The following CLEC16A variants were observed in gnomAD, a reference collection of about 807,000 sequenced individuals.
CLEC16A encodes C-type lectin domain containing 16A.
CLEC16A carries 51 observed loss-of-function variants against 109.5 expected under a neutral mutation model. The observed-to-expected ratio is 0.47, with a 90% CI of 0.37 to 0.59. The LOEUF (loss-of-function observed/expected upper bound fraction) is 0.59, where lower values mean the gene tolerates loss of function less well. CLEC16A is among the 20% of genes least tolerant of loss of function. CLEC16A has a pLI of 0.00. For missense variants in CLEC16A, 1,339 were observed against 1,394.0 expected (o/e 0.96, Z 0.63); for synonymous variants, 673 against 564.2 (o/e 1.19, Z -2.73).
intron 11 of CLEC16A, among the ~76,000 whole-genome samples, chr16:11,004,556 G>C (rs970970729): frequency 6.6e-6 from 1 of 152,196 alleles, no homozygotes; most frequent in African/African-American, 2.4e-5. Context: ...GACTGCGTGA[G>C]CTTCCCAGTC....
chr16:11,174,577 T>C lies in CLEC16A; in HGVS notation c.2807-3758T>C, dbSNP rs1015944168. Reference sequence around the variant, plus strand: ...AAACGCTGTCCTTCTCTGTGACATGTGCACCAGTGTCAGGCTCGGCCCGGG... The same window carrying C: ...AAACGCTGTCCTTCTCTGTGACATGCGCACCAGTGTCAGGCTCGGCCCGGG... On this transcript the variant is annotated intron_variant, in intron 23 of 23. Coordinates refer to ENST00000409790, the MANE Select transcript of CLEC16A (RefSeq NM_015226.3). The surrounding 1 kb of genome is among the most constrained non-coding windows in gnomAD (Gnocchi z 4.7). Among the ~76,000 whole-genome samples, 1 of 152,248 alleles carries C rather than the reference T, an allele frequency of 6.6e-6. No individual in the cohort carries two copies. Among genetic ancestry groups the C allele is most frequent in the Non-Finnish European group, 1.5e-5 (1 of 68,044 alleles).
intron 19 of CLEC16A, among the ~76,000 whole-genome samples, chr16:11,074,057 C>G (rs7192790): frequency 6.6e-6 from 1 of 152,052 alleles, no homozygotes; most frequent in Admixed American, 6.5e-5. Flanking sequence ...CCCATCTTGG[C>G]ATTTTCTAAA....
chr16:11,020,332 G>A lies in CLEC16A; in HGVS notation c.1436+7G>A. 1 of 1,604,392 alleles carries A rather than the reference G, an allele frequency of 6.2e-7. No individual in the cohort carries two copies. Among genetic ancestry groups the A allele is most frequent in the East Asian group, 2.3e-5 (1 of 44,364 alleles). On this transcript the variant is annotated splice_region_variant and intron_variant, in intron 12 of 23. Coordinates refer to ENST00000409790, the MANE Select transcript of CLEC16A (RefSeq NM_015226.3). ...AGAGCACGCAATGGAGCAGGTAGCT[G>A]CCCGAGAGGTCGATGCTGAGTGCTC...
chr16:10,985,652 A>T (rs2043599676), intron 10 of CLEC16A, among the ~76,000 whole-genome samples: 1 of 151,932 alleles, frequency 6.6e-6, no homozygotes, highest in African/African-American at 2.4e-5. Flanking sequence ...CTGAAGCTAG[A>T]CTTGTCGTTC....
intron 22 of CLEC16A, among the ~76,000 whole-genome samples, chr16:11,143,034 C>T (rs953225842): frequency 6.6e-6 from 1 of 152,224 alleles, no homozygotes; most frequent in African/African-American, 2.4e-5. Context: ...TGGTCTCGAA[C>T]TTCTGACTTC....
At chr16:10,993,235 CG>C (rs1462158525) in intron 10 of CLEC16A, among the ~76,000 whole-genome samples, 1 of 152,006 alleles carries the variant, frequency 6.6e-6, no homozygotes, top group African/African-American at 2.4e-5. Context: ...AAAAATTAAC[CG>C]GGCGTGATGA....
At chr16:11,030,798 C>T (rs2046697246) in intron 13 of CLEC16A, among the ~76,000 whole-genome samples, 1 of 152,218 alleles carries the variant, frequency 6.6e-6, no homozygotes. Flanking sequence ...GTGTGCGCCA[C>T]CACGCCCGGC....
intron 13 of CLEC16A, among the ~76,000 whole-genome samples, chr16:11,032,971 A>G (rs2046829230): frequency 1.3e-5 from 2 of 152,314 alleles, no homozygotes; most frequent in South Asian, 4.1e-4. Flanking sequence ...GCTACCAGAC[A>G]GAAAGTAGAT....
intron 22 of CLEC16A, among the ~76,000 whole-genome samples, chr16:11,157,915 C>G (rs1441827437): frequency 6.6e-6 from 1 of 152,138 alleles, no homozygotes; most frequent in Non-Finnish European, 1.5e-5. Context: ...GGTGTAGGAT[C>G]CAGAGCTGCT....
At chr16:10,984,950 C>T (rs1221248338) in intron 10 of CLEC16A, among the ~76,000 whole-genome samples, 1 of 152,070 alleles carries the variant, frequency 6.6e-6, no homozygotes, top group African/African-American at 2.4e-5. Context: ...CCCTGTAATC[C>T]CAGCACTTTG....
chr16:10,960,984 A>G (rs560870721), intron 2 of CLEC16A, among the ~76,000 whole-genome samples: 5 of 151,960 alleles, frequency 3.3e-5, no homozygotes, highest in East Asian at 3.9e-4. Context: ...TTTTTTCCCA[A>G]TGAATTGCCC....
At chr16:10,947,915 TA>T (rs57982940) in intron 1 of CLEC16A, among the ~76,000 whole-genome samples, 28,243 of 151,860 alleles carry the variant, frequency 0.19, 2,881 homozygotes, top group South Asian at 0.3. Context: ...TTTTTTGAGA[TA>T]AGAGTCTTGC....
intron 23 of CLEC16A, among the ~76,000 whole-genome samples, chr16:11,177,960 TC>T (rs2068824316): frequency 6.6e-6 from 1 of 152,086 alleles, no homozygotes; most frequent in African/African-American, 2.4e-5. Context: ...CCCATTTACT[TC>T]CCAAACAAGT....
intron 9 of CLEC16A, among the ~76,000 whole-genome samples, chr16:10,980,323 A>AAGTTTGTCTGAATGCCGCTCTGTACG (rs1181557425): frequency 2.6e-5 from 4 of 152,146 alleles, no homozygotes; most frequent in Non-Finnish European, 2.9e-5. Flanking sequence ...GCACGAGGCC[A>AAGTTTGTCTGAATGCCGCTCTGTACG]AGTTTGTCTG....
At chr16:11,000,525 T>G (rs1209488606) in intron 10 of CLEC16A, among the ~76,000 whole-genome samples, 5 of 152,170 alleles carry the variant, frequency 3.3e-5, no homozygotes, top group Non-Finnish European at 7.4e-5. Context: ...GTTTGGATGC[T>G]TCAGGAGAAG....
chr16:10,962,680 G>T, intron 3 of CLEC16A, 92 bp downstream of exon 3: 1 of 1,365,082 alleles, frequency 7.3e-7, no homozygotes, highest in Non-Finnish European at 1.0e-6. Flanking sequence ...CTTACTATTC[G>T]TCGGCTCAGG....
rs35212528 is a variant in CLEC16A at position 11,165,329 on chromosome 16, C to CA, written c.2642-1046dup. On this transcript the variant is annotated intron_variant, in intron 22 of 23. Coordinates refer to ENST00000409790, the MANE Select transcript of CLEC16A (RefSeq NM_015226.3). ...AATACAGTGGGACCCCCATCTCTAC[C>CA]AAAAAAAAAAAAATTATTTGGGTAT... Among the ~76,000 whole-genome samples, 1,346 of 141,834 alleles carry CA rather than the reference C, an allele frequency of 9.5e-3. 16 individuals are homozygous for CA. The highest frequency in any genetic ancestry group is 0.031 in the African/African-American group (1,210 of 38,892). The allele number at this position is 141,834 out of a possible 152,430, so 93.0% of individuals were successfully genotyped here.
chr16:11,002,533 G>A (rs1185200027), intron 10 of CLEC16A, among the ~76,000 whole-genome samples: 3 of 152,152 alleles, frequency 2.0e-5, no homozygotes, highest in Non-Finnish European at 4.4e-5. Flanking sequence ...GGGGTAAAAT[G>A]GCAGTGTTGC....
intron 23 of CLEC16A, among the ~76,000 whole-genome samples, chr16:11,168,613 G>C (rs1165665651): frequency 1.3e-5 from 2 of 152,214 alleles, no homozygotes; most frequent in Non-Finnish European, 2.9e-5. Context: ...TTGATCCCTG[G>C]CAGGAGAGCT....
Sources: allele counts gnomAD v4.1 joint callset (sites outside exome capture counted in the v4.1 genomes callset), GRCh38; gene constraint gnomAD v4.1.1; non-coding constraint Gnocchi (gnomAD v3.1); transcripts MANE v1.5; gene names NCBI Gene and HGNC (gene_info 2026-07-23, HGNC 2026-07-21).